PLEKHJ1: variants seen among roughly 807,000 people sequenced by gnomAD.
PLEKHJ1 encodes the protein pleckstrin homology domain containing J1.
Under a neutral mutation model 21.7 loss-of-function variants are expected in PLEKHJ1, and 20 were observed. That is an observed-to-expected ratio of 0.92 (90% confidence interval 0.65 to 1.34). The LOEUF (loss-of-function observed/expected upper bound fraction) is 1.34, where lower values mean the gene tolerates loss of function less well. Ranked by LOEUF, PLEKHJ1 falls within the 40% of genes most tolerant of loss-of-function variation. PLEKHJ1 has a pLI of 0.00. For synonymous variants in PLEKHJ1, 113 were observed against 80.6 expected (o/e 1.40, Z -2.15); for missense variants, 241 against 202.0 (o/e 1.19, Z -1.17).
intron 3 of PLEKHJ1, chr19:2,235,497 G>GT (rs144729248): frequency 7.7e-6 from 4 of 516,688 alleles, no homozygotes; most frequent in Admixed American, 3.4e-5. Context: ...CACCTGCCCT[G>GT]TAAGTACAGC....
downstream of PLEKHJ1, chr19:2,230,124 G>C: frequency 1.9e-6 from 1 of 520,290 alleles, no homozygotes; most frequent in Non-Finnish European, 3.3e-6. Context: ...TGTCTGCAGG[G>C]CGGGCCCGCC....
rs2024682753 is a variant in PLEKHJ1, at chr19:2,233,534, G to A, written c.*306C>T. 1 of 477,970 alleles carries A rather than the reference G, an allele frequency of 2.1e-6. No individual in the cohort carries two copies. The highest frequency in any genetic ancestry group is 3.8e-5 in the Admixed American group (1 of 26,268). The allele number at this position is 477,970 out of a possible 1,614,324, so 29.6% of individuals were successfully genotyped here. ...TGCAGCCCCTGCCCACACCCACCTG[G>A]CTTCAGGCTTTGGATGTCTCCAAAC... On this transcript the variant is annotated 3_prime_UTR_variant, in exon 6 of 6. Transcript: ENST00000326631.
At position 2,233,176 on chromosome 19, in the gene PLEKHJ1, T is replaced by G. The variant is rs1168606139; in HGVS notation, c.*664A>C. ...AGTGTGGAAAAGAGGTACCTTTATT[T>G]GAACAGAACAAGCACCCTGGCCCCA... is the stretch of plus-strand genomic sequence containing the variant. On this transcript the variant is annotated 3_prime_UTR_variant, in exon 6 of 6. Coordinates refer to ENST00000326631, the MANE Select transcript of PLEKHJ1 (RefSeq NM_018049.3). 1 of 151,944 alleles carries G rather than the reference T, an allele frequency of 6.6e-6. No homozygotes were observed. Among genetic ancestry groups the G allele is most frequent in the Non-Finnish European group, 1.5e-5 (1 of 68,080 alleles). 9.4% of individuals were successfully genotyped at this position (151,944 alleles called of 1,614,324 possible). A position where few individuals can be genotyped will look rare whatever the true frequency, so the allele number is the denominator to read the frequency against.
At chr19:2,235,856 G>C (rs2024793364) in intron 2 of PLEKHJ1, 28 bp from the exon 3 acceptor site, 1 of 1,574,658 alleles carries the variant, frequency 6.4e-7, no homozygotes, top group Admixed American at 1.8e-5. Context: ...GCCGGGACGG[G>C]GCAGTGAGCA....
chr19:2,230,033 AT>A, downstream of PLEKHJ1: 2 of 644,212 alleles, frequency 3.1e-6, no homozygotes, highest in Non-Finnish European at 5.2e-6. Context: ...ATTCTGACTT[AT>A]TTTATTCCAT....
chr19:2,234,871 G>C (rs2024743628), intron 3 of PLEKHJ1: 1 of 152,244 alleles, frequency 6.6e-6, no homozygotes, highest in South Asian at 2.1e-4. Context: ...ATGGTGGCGC[G>C]TGCCTGTAGT....
downstream of PLEKHJ1, chr19:2,231,364 A>T (rs948602324): frequency 4.8e-6 from 1 of 208,332 alleles, no homozygotes; most frequent in Non-Finnish European, 9.8e-6. Flanking sequence ...GACACACGTC[A>T]CATCCCTACC....
At chr19:2,232,379 C>T (rs1472196997), downstream of PLEKHJ1, 4 of 219,618 alleles carry the variant, frequency 1.8e-5, no homozygotes, top group South Asian at 3.7e-4. Flanking sequence ...TCAGACCCCC[C>T]TCCCAACACA....
intron 3 of PLEKHJ1, 135 bp from the exon 4 acceptor site, chr19:2,234,375 T>C (rs1411717660): frequency 1.4e-5 from 9 of 633,298 alleles, no homozygotes; most frequent in Non-Finnish European, 2.2e-5. Context: ...CCCATGAGTA[T>C]GGCCCTGTAT....
chr19:2,235,536 T>C (rs2024774953), intron 3 of PLEKHJ1: 2 of 577,332 alleles, frequency 3.5e-6, no homozygotes, highest in East Asian at 5.8e-5. Flanking sequence ...AAGAGCAGAG[T>C]CTGGGAGGGA....
chr19:2,230,509 G>GTT (rs2024554903), downstream of PLEKHJ1: 3 of 398,824 alleles, frequency 7.5e-6, no homozygotes, highest in African/African-American at 6.2e-5. Flanking sequence ...AGGACGGCGC[G>GTT]GGCACGTTGA....
rs1206110933 is a variant in PLEKHJ1, at chr19:2,234,248, TG to T, written c.230-9del. The T allele has an allele frequency of 1.2e-6, 2 of 1,608,080 alleles. No individual in the cohort carries two copies. The highest frequency in any genetic ancestry group is 2.2e-5 in the South Asian group (2 of 90,916). The stretch of plus-strand genomic sequence containing the variant: ...CAGGGTCCTCAATGAAGCCTGGGGA[TG>T]GAACACCTGTGGTCGGTCCTACCCA... On this transcript the variant is annotated splice_polypyrimidine_tract_variant and intron_variant, in intron 3 of 5. Transcript: ENST00000326631.
downstream of PLEKHJ1, chr19:2,232,319 C>T (rs2024638302): frequency 4.6e-6 from 1 of 216,558 alleles, no homozygotes; most frequent in Non-Finnish European, 9.3e-6. Context: ...TCAGTCTGTT[C>T]AGTGGTCAGC....
intron 3 of PLEKHJ1, chr19:2,235,380 T>TC (rs2024765632): frequency 4.5e-6 from 1 of 220,632 alleles, no homozygotes; most frequent in African/African-American, 2.3e-5. Context: ...AACACCCCCC[T>TC]CTCACTCCTC....
downstream of PLEKHJ1, chr19:2,230,453 CCTGCGCGGTGACGCAGCTGGCCATGTG>C (rs1293909365): frequency 5.0e-6 from 2 of 399,512 alleles, no homozygotes; most frequent in African/African-American, 4.1e-5. Flanking sequence ...TGTGAAGGGG[CCTGCGCGGTGACGCAGCTGGCCATGTG>C]CTGCGCGATG....
At chr19:2,230,427 G>GGGTTGCGCCCTT (rs1165335612), downstream of PLEKHJ1, 4 of 400,070 alleles carry the variant, frequency 1.0e-5, no homozygotes, top group Non-Finnish European at 1.8e-5. Flanking sequence ...TCCGGGGCGT[G>GGGTTGCGCCCTT]GGTTGCGCCC....
chr19:2,235,533 G>A (rs2024774854), intron 3 of PLEKHJ1: 1 of 563,962 alleles, frequency 1.8e-6, no homozygotes, highest in Non-Finnish European at 3.1e-6. Flanking sequence ...ACAAAGAGCA[G>A]AGTCTGGGAG....
chr19:2,234,126 G>A (rs368838350), intron 4 of PLEKHJ1, 24 bp downstream of exon 4: 1 of 1,612,382 alleles, frequency 6.2e-7, no homozygotes, highest in East Asian at 2.2e-5. Context: ...CACCCCAGCA[G>A]TGCCCACCAC....
downstream of PLEKHJ1, chr19:2,230,723 A>G: frequency 5.0e-6 from 2 of 397,788 alleles, no homozygotes; most frequent in Non-Finnish European, 8.8e-6. Context: ...TATAATGCAC[A>G]GTGAAGAGGA....
Sources: allele counts gnomAD v4.1 joint callset, GRCh38; gene constraint gnomAD v4.1.1; transcripts MANE v1.5; gene names NCBI Gene and HGNC (gene_info 2026-07-23, HGNC 2026-07-21).